SCAND3: variants seen among roughly 807,000 people sequenced by gnomAD.
The protein encoded by SCAND3 is SCAN domain-containing protein 3.
At chr6:28,591,582 C>G in the SCAND3 span, 2 of 152,232 alleles carry the variant, frequency 1.3e-5, no homozygotes, top group East Asian at 1.9e-4. Flanking sequence ...CTTTTTCCAC[C>G]CTTGATATCT....
chr6:28,597,478 T>C, the SCAND3 span, among the ~76,000 whole-genome samples: 1 of 151,960 alleles, frequency 6.6e-6, no homozygotes, highest in African/African-American at 2.4e-5. Context: ...CCTGTAATAA[T>C]ATATTTTTAA....
the SCAND3 span, among the ~76,000 whole-genome samples, chr6:28,610,239 A>C: frequency 6.6e-6 from 1 of 151,928 alleles, no homozygotes; most frequent in Non-Finnish European, 1.5e-5. Context: ...AAAACACAAG[A>C]GGCCAAGCAT....
At chr6:28,574,570 C>T in the SCAND3 span, 2 of 1,341,574 alleles carry the variant, frequency 1.5e-6, no homozygotes, top group South Asian at 2.7e-5. Context: ...TACCTTGTCA[C>T]ACAACACTTA....
the SCAND3 span, chr6:28,572,392 C>T: frequency 6.2e-7 from 1 of 1,613,062 alleles, no homozygotes; most frequent in Non-Finnish European, 8.5e-7. This position sits in a 1 kb window ranked among gnomAD's most constrained non-coding sequence, Gnocchi z 4.1. Context: ...AAGATCATTA[C>T]CTACTTCATT....
the SCAND3 span, among the ~76,000 whole-genome samples, chr6:28,582,515 AC>A: frequency 3.2e-4 from 49 of 152,334 alleles, no homozygotes; most frequent in South Asian, 6.6e-3. This position sits in a 1 kb window ranked among gnomAD's most constrained non-coding sequence, Gnocchi z 4.8. Context: ...TATTAAAAAA[AC>A]ATGCTTTCTG....
the SCAND3 span, among the ~76,000 whole-genome samples, chr6:28,596,467 A>G: frequency 6.6e-5 from 10 of 152,152 alleles, no homozygotes; most frequent in African/African-American, 2.4e-4. Context: ...AATCCTGGAA[A>G]GAATTAACAA....
At chr6:28,603,502 TGA>T in the SCAND3 span, among the ~76,000 whole-genome samples, 4 of 152,194 alleles carry the variant, frequency 2.6e-5, no homozygotes, top group Admixed American at 6.5e-5. Context: ...AGTTTCAGTA[TGA>T]GGTGTGTAGT....
chr6:28,592,093 G>A, the SCAND3 span, among the ~76,000 whole-genome samples: 1 of 152,132 alleles, frequency 6.6e-6, no homozygotes, highest in Non-Finnish European at 1.5e-5. This position sits in a 1 kb window ranked among gnomAD's most constrained non-coding sequence, Gnocchi z 4.1. Flanking sequence ...TAGTTTTATA[G>A]AGCCAGAGCA....
the SCAND3 span, among the ~76,000 whole-genome samples, chr6:28,584,764 G>C: frequency 6.6e-6 from 1 of 152,166 alleles, no homozygotes; most frequent in Non-Finnish European, 1.5e-5. Context: ...CTTAATGAGG[G>C]GAAAATGTCT....
the SCAND3 span, chr6:28,593,645 AG>A: frequency 6.6e-6 from 1 of 152,294 alleles, no homozygotes; most frequent in Non-Finnish European, 1.5e-5. Context: ...ATTGCACTCC[AG>A]CCTAGGGGAC....
the SCAND3 span, among the ~76,000 whole-genome samples, chr6:28,594,826 A>G: frequency 3.9e-5 from 6 of 152,260 alleles, no homozygotes; most frequent in East Asian, 1.2e-3. Context: ...AATCTAAAAA[A>G]AAAGTTGAAC....
chr6:28,576,309 G>C, the SCAND3 span, among the ~76,000 whole-genome samples: 1 of 152,108 alleles, frequency 6.6e-6, no homozygotes, highest in Non-Finnish European at 1.5e-5. Context: ...GCCCAGGCTA[G>C]AGTGCAGTGG....
At chr6:28,601,625 T>C in the SCAND3 span, among the ~76,000 whole-genome samples, 2 of 152,126 alleles carry the variant, frequency 1.3e-5, no homozygotes, top group Non-Finnish European at 2.9e-5. Flanking sequence ...GCTCAAATGA[T>C]CCTCTCACCT....
At chr6:28,600,575 T>G in the SCAND3 span, among the ~76,000 whole-genome samples, 1 of 152,190 alleles carries the variant, frequency 6.6e-6, no homozygotes, top group African/African-American at 2.4e-5. Flanking sequence ...TGCAGTGAGC[T>G]GAGATTGCAC....
chr6:28,591,620 T>C, the SCAND3 span: 1 of 152,194 alleles, frequency 6.6e-6, no homozygotes, highest in Non-Finnish European at 1.5e-5. Context: ...TCACTTTCTA[T>C]CAAATGGTTG....
chr6:28,573,021 G>T, the SCAND3 span: 14 of 1,612,792 alleles, frequency 8.7e-6, no homozygotes, highest in Admixed American at 1.7e-4. Flanking sequence ...AACCACATTT[G>T]TTAACAATAT....
the SCAND3 span, among the ~76,000 whole-genome samples, chr6:28,593,228 T>C: frequency 2.6e-5 from 4 of 151,866 alleles, no homozygotes; most frequent in African/African-American, 9.7e-5. Context: ...ACAATCAACC[T>C]GATTACAAAA....
At chr6:28,613,585 C>T in the SCAND3 span, among the ~76,000 whole-genome samples, 4 of 152,176 alleles carry the variant, frequency 2.6e-5, no homozygotes, top group African/African-American at 9.7e-5. Context: ...TGTACAGGCA[C>T]ATGTAATGCT....
chr6:28,574,841 T>C, the SCAND3 span: 1 of 1,613,890 alleles, frequency 6.2e-7, no homozygotes, highest in African/African-American at 1.3e-5. Context: ...GCATGGATAT[T>C]TCCATCACAT....
Sources: gnomAD v4.1 joint callset for allele counts (sites outside exome capture counted in the v4.1 genomes callset) on GRCh38, gnomAD v4.1.1 for gene constraint, Gnocchi (gnomAD v3.1) non-coding constraint, MANE v1.5 for transcripts, NCBI Gene and HGNC (gene_info 2026-07-23, HGNC 2026-07-21) for gene names.